The following IRAG2 variants were observed in gnomAD, a reference collection of about 807,000 sequenced individuals.
IRAG2 encodes the protein lymphoid restricted membrane protein.
In IRAG2, 45 loss-of-function variants were observed where a neutral mutation model predicts 69.9. The observed-to-expected ratio is 0.64, with a 90% CI of 0.51 to 0.83. The LOEUF (loss-of-function observed/expected upper bound fraction) is 0.83, where lower values mean the gene tolerates loss of function less well. IRAG2 is among the 40% of genes least tolerant of loss of function. The pLI, the probability that IRAG2 is intolerant of heterozygous loss-of-function variation, is 0.00. For synonymous variants in IRAG2, 193 were observed against 202.4 expected (o/e 0.95, Z 0.40); for missense variants, 520 against 587.0 (o/e 0.89, Z 1.18).
chr12:25,083,338 G>T, intron 9 of IRAG2, 85 bp from the exon 10 acceptor site: 1 of 823,434 alleles, frequency 1.2e-6, no homozygotes, highest in Non-Finnish European at 2.2e-6. Flanking sequence ...TTACTGGTCA[G>T]CCCATATTGC....
At chr12:25,064,759 A>G (rs749361955) in intron 4 of IRAG2, among the ~76,000 whole-genome samples, 1 of 152,338 alleles carries the variant, frequency 6.6e-6, no homozygotes, top group Non-Finnish European at 1.5e-5. Context: ...GCAATAACTC[A>G]GTAACAATAA....
chr12:25,108,268 TTTTAAGGAAGAAA>T lies in IRAG2; in HGVS notation c.*210_*222del, dbSNP rs532021832. The T allele has an allele frequency of 1.7e-6, 1 of 578,764 alleles. No homozygotes were observed. The highest frequency in any genetic ancestry group is 2.9e-6 in the Non-Finnish European group (1 of 341,182). The allele number at this position is 578,764 out of a possible 1,614,324, so 35.9% of individuals were successfully genotyped here. On this transcript the variant is annotated 3_prime_UTR_variant, in exon 22 of 22. Coordinates refer to ENST00000556887, the MANE Select transcript of IRAG2 (RefSeq NM_001366544.2). Reference sequence around the variant, plus strand: ...TCTGCCTATGATCTTTGAATGAGCTTTTTAAGGAAGAAATATTATATATTGTTTGTTAAAGTTT... The same window carrying T: ...TCTGCCTATGATCTTTGAATGAGCTTTATTATATATTGTTTGTTAAAGTTT...
intron 10 of IRAG2, among the ~76,000 whole-genome samples, chr12:25,031,950 C>A (rs1446112877): frequency 6.6e-6 from 1 of 152,226 alleles, no homozygotes; most frequent in Non-Finnish European, 1.5e-5. Context: ...TCGTGAGCCA[C>A]CACGCCCAGC....
At chr12:25,072,273 C>A (rs1258953779) in intron 6 of IRAG2, among the ~76,000 whole-genome samples, 5 of 152,074 alleles carry the variant, frequency 3.3e-5, no homozygotes, top group Non-Finnish European at 5.9e-5. Context: ...ATCGAGCCTC[C>A]AGTCACATGC....
intron 1 of IRAG2, among the ~76,000 whole-genome samples, chr12:25,055,625 G>A (rs1234789584): frequency 6.6e-6 from 1 of 152,032 alleles, no homozygotes; most frequent in African/African-American, 2.4e-5. Flanking sequence ...CCCATGACAG[G>A]CCCCAGTGTG....
intron 5 of IRAG2, among the ~76,000 whole-genome samples, chr12:25,068,440 T>C (rs1420684196): frequency 6.6e-6 from 1 of 152,190 alleles, no homozygotes; most frequent in Non-Finnish European, 1.5e-5. Context: ...TTCCAAGTGC[T>C]GTCCTTTCAG....
At chr12:25,024,257 C>A (rs1944605927) in intron 8 of IRAG2, among the ~76,000 whole-genome samples, 1 of 152,118 alleles carries the variant, frequency 6.6e-6, no homozygotes, top group Admixed American at 6.6e-5. Flanking sequence ...AACAAAGTGG[C>A]AAGAGTCTTG....
chr12:25,052,640 G>A (rs1318383510), upstream of IRAG2: 1 of 397,256 alleles, frequency 2.5e-6, no homozygotes. Flanking sequence ...CCAAGCCCAT[G>A]CAAACACAGA....
In IRAG2 at chr12:25,101,345, ATAGTAT is replaced by A. The variant is rs1948739793; in HGVS notation, c.889+25_889+30del. On this transcript the variant is annotated intron_variant, in intron 16 of 21. Transcript: ENST00000556887. The stretch of plus-strand genomic sequence containing the variant: ...ATGATGGTAATAAAAGTTTATGATA[ATAGTAT>A]TAGTTGTGTTTTTCTACATTCTCCT... 3 of 1,554,234 alleles carry A rather than the reference ATAGTAT, an allele frequency of 1.9e-6. No homozygotes were observed. The highest frequency in any genetic ancestry group is 2.6e-6 in the Non-Finnish European group (3 of 1,144,942).
chr12:24,999,248 G>T, the IRAG2 span, among the ~76,000 whole-genome samples: 25 of 152,206 alleles, frequency 1.6e-4, no homozygotes, highest in African/African-American at 6.0e-4. Context: ...GTTGAAGTCT[G>T]CAGTTACACT....
intron 1 of IRAG2, among the ~76,000 whole-genome samples, chr12:25,057,118 G>A (rs1488760250): frequency 6.6e-6 from 1 of 152,066 alleles, no homozygotes; most frequent in East Asian, 1.9e-4. Context: ...TATCCTGTGA[G>A]GCATTTAAAG....
chr12:25,041,461 G>A lies in IRAG2; in HGVS notation c.2144+3324G>A, dbSNP rs1944748025. On this transcript the variant is annotated intron_variant, in intron 16 of 38. Transcript: ENST00000636465. ...GGCAAAAGTGAAAGCAGTGAGATGA[G>A]TAAGGAGAGTTTTCTTTTCTTTTGT... 2.6e-5 allele frequency among the ~76,000 whole-genome samples: 4 copies of A among 152,030 alleles called. No homozygotes were observed. In the South Asian group the frequency reaches 8.3e-4, roughly 32 times the overall value.
In IRAG2 at chr12:25,101,279, G is replaced by A; in HGVS notation, c.843G>A (p.Gln281=). 6.2e-7 allele frequency: 1 copy of A among 1,610,378 alleles called. No homozygotes were observed. Among genetic ancestry groups the A allele is most frequent in the Non-Finnish European group, 8.5e-7 (1 of 1,177,674 alleles). Residue 281 remains glutamine, a synonymous_variant, in exon 16 of 22, where the codon CAG becomes CAA. Transcript: ENST00000556887. ...ACGCTGAATTAGAAGAACTGAAACA[G>A]GTTCTTCTGCAGAATGAAAGGTCTT... is the stretch of plus-strand genomic sequence containing the variant. ...KEHAELEELK[Q]VLLQNERSFN...
At chr12:25,066,223 T>A in intron 4 of IRAG2, 142 bp from the exon 5 acceptor site, 1 of 384,162 alleles carries the variant, frequency 2.6e-6, no homozygotes, top group Non-Finnish European at 4.6e-6. Flanking sequence ...TGATTAGGCA[T>A]CAAGGGAGTT....
chr12:25,065,411 A>C (rs1432598568), intron 4 of IRAG2, among the ~76,000 whole-genome samples: 1 of 152,046 alleles, frequency 6.6e-6, no homozygotes, highest in Non-Finnish European at 1.5e-5. Flanking sequence ...TTTCTATTAA[A>C]CTCTGCTGCT....
At chr12:25,092,052 G>A (rs886064751) in intron 14 of IRAG2, among the ~76,000 whole-genome samples, 1 of 152,064 alleles carries the variant, frequency 6.6e-6, no homozygotes, top group African/African-American at 2.4e-5. Flanking sequence ...AGATACCTGA[G>A]GTCAGGAGTT....
upstream of IRAG2, chr12:25,052,128 G>T: frequency 2.5e-6 from 1 of 394,282 alleles, no homozygotes; most frequent in Middle Eastern, 6.4e-4. Context: ...CTAAGGAAGT[G>T]GTGTTAAGTT....
At chr12:25,044,194 T>A (rs944361578) in intron 16 of IRAG2, among the ~76,000 whole-genome samples, 2 of 152,018 alleles carry the variant, frequency 1.3e-5, no homozygotes, top group African/African-American at 4.8e-5. Flanking sequence ...GGAATTTAGG[T>A]TGTTAGCTTA....
chr12:25,092,388 G>A (rs2140182099), intron 14 of IRAG2, among the ~76,000 whole-genome samples: 1 of 128,588 alleles, frequency 7.8e-6, no homozygotes, highest in Non-Finnish European at 1.6e-5. Context: ...CAACAAGAGT[G>A]AAACTCCATC....
Sources: allele counts gnomAD v4.1 joint callset (sites outside exome capture counted in the v4.1 genomes callset), GRCh38; gene constraint gnomAD v4.1.1; transcripts MANE v1.5; gene names NCBI Gene and HGNC (gene_info 2026-07-23, HGNC 2026-07-21).